The following UXS1 variants were observed in gnomAD, a reference collection of about 807,000 sequenced individuals.
The protein encoded by UXS1 is UDP-glucuronic acid decarboxylase 1.
In UXS1, 33 loss-of-function variants were observed where a neutral mutation model predicts 62.6. The ratio of observed to expected loss-of-function variants is 0.53; its 90% CI spans 0.40 to 0.70. UXS1 has a LOEUF of 0.70. Among genes scored for constraint, UXS1 ranks in the 30% least tolerant of loss-of-function variants. The pLI, the probability that UXS1 is intolerant of heterozygous loss-of-function variation, is 0.00. For synonymous variants in UXS1, 213 were observed against 206.8 expected (o/e 1.03, Z -0.26); for missense variants, 434 against 556.3 (o/e 0.78, Z 2.21).
At chr2:106,094,592 C>T (rs530660396) in intron 14 of UXS1, among the ~76,000 whole-genome samples, 150 of 152,174 alleles carry the variant, frequency 9.9e-4, no homozygotes, top group African/African-American at 2.5e-3. Flanking sequence ...CTGATCAACA[C>T]GCCTGATTCT....
chr2:106,153,755 C>T (rs1682215888), intron 5 of UXS1, among the ~76,000 whole-genome samples: 1 of 152,106 alleles, frequency 6.6e-6, no homozygotes. Flanking sequence ...AACAAAGACA[C>T]CAAAGCAACC....
At chr2:106,142,406 T>C (rs1681182632) in intron 6 of UXS1, among the ~76,000 whole-genome samples, 1 of 152,230 alleles carries the variant, frequency 6.6e-6, no homozygotes, top group African/African-American at 2.4e-5. Flanking sequence ...CTTGAGATTT[T>C]TCCTTTGTCT....
chr2:106,171,808 A>T (rs1193828345), intron 1 of UXS1, among the ~76,000 whole-genome samples: 1 of 152,256 alleles, frequency 6.6e-6, no homozygotes, highest in Non-Finnish European at 1.5e-5. Flanking sequence ...TCAAACTGGA[A>T]AGCATATGTA....
At chr2:106,187,833 C>G (rs1009072432) in intron 1 of UXS1, among the ~76,000 whole-genome samples, 1 of 151,982 alleles carries the variant, frequency 6.6e-6, no homozygotes, top group Non-Finnish European at 1.5e-5. Context: ...TTTCCGCCTC[C>G]GGGTTCACGA....
chr2:106,112,878 T>C lies in UXS1; in HGVS notation c.760-113A>G, dbSNP rs1678734225. 4 of 1,449,490 alleles carry C rather than the reference T, an allele frequency of 2.8e-6. No individual in the cohort carries two copies. In the South Asian group the frequency reaches 5.7e-5, roughly 21 times the overall value. The allele number at this position is 1,449,490 out of a possible 1,614,324, so 89.8% of individuals were successfully genotyped here. A position where few individuals can be genotyped will look rare whatever the true frequency, so the allele number is the denominator to read the frequency against. ...AGAATGGAAACGTTCTGCTTTCCATTCCAAAATGGAAATGGCTTTTTTGTT... is the reference window on the plus strand; with the variant it reads ...AGAATGGAAACGTTCTGCTTTCCATCCCAAAATGGAAATGGCTTTTTTGTT... On this transcript the variant is annotated intron_variant, in intron 9 of 14. Transcript: ENST00000283148.
At chr2:106,115,016 A>AC (rs771150245) in intron 9 of UXS1, among the ~76,000 whole-genome samples, 4 of 152,016 alleles carry the variant, frequency 2.6e-5, no homozygotes, top group Non-Finnish European at 5.9e-5. Flanking sequence ...CACAAAGGCG[A>AC]CCCCCAGTCA....
intron 6 of UXS1, 144 bp downstream of exon 6, chr2:106,145,046 T>C: frequency 1.1e-6 from 1 of 883,864 alleles, no homozygotes; most frequent in Non-Finnish European, 1.7e-6. Flanking sequence ...GGACGGCACC[T>C]CATACATATT....
chr2:106,145,121 G>A lies in UXS1; in HGVS notation c.472+69C>T, dbSNP rs1056858155. On this transcript the variant is annotated intron_variant, in intron 6 of 14. Coordinates refer to ENST00000283148, the MANE Select transcript of UXS1 (RefSeq NM_001253875.2). Reference sequence around the variant, plus strand: ...TGCTGAGTCAAACAGCTTACCCTCAGGAATCCCGCAGCTCTGGCAAGGCCA... The same window carrying A: ...TGCTGAGTCAAACAGCTTACCCTCAAGAATCCCGCAGCTCTGGCAAGGCCA... The A allele has an allele frequency of 1.3e-5, 20 of 1,531,946 alleles. No homozygotes were observed. The African/African-American group carries it at 2.8e-4, about 21-fold the overall frequency. The allele number at this position is 1,531,946 out of a possible 1,614,324, so 94.9% of individuals were successfully genotyped here. A position where few individuals can be genotyped will look rare whatever the true frequency, so the allele number is the denominator to read the frequency against.
intron 13 of UXS1, chr2:106,097,787 C>A (rs566942994): frequency 6.3e-6 from 1 of 157,800 alleles, no homozygotes; most frequent in South Asian, 1.9e-4. Context: ...GAGCCTGCCC[C>A]TTCCTCACGC....
intron 9 of UXS1, among the ~76,000 whole-genome samples, chr2:106,116,874 G>A (rs1400473679): frequency 1.3e-5 from 2 of 152,140 alleles, no homozygotes; most frequent in Non-Finnish European, 2.9e-5. Context: ...TCATGGACCT[G>A]GTTATGTCTG....
chr2:106,180,440 T>C lies in UXS1; in HGVS notation c.94+13708A>G, dbSNP rs1684172050. Among the ~76,000 whole-genome samples, 3 of 152,302 alleles carry C rather than the reference T, an allele frequency of 2.0e-5. No homozygotes were observed. In the East Asian group the frequency reaches 5.8e-4, roughly 29 times the overall value. Reference sequence around the variant, plus strand: ...ACCTTCCCAGGTTCTCCACCTCAACTTAGGATTTGGCTGCAAAAATACTAC... The same window carrying C: ...ACCTTCCCAGGTTCTCCACCTCAACCTAGGATTTGGCTGCAAAAATACTAC... On this transcript the variant is annotated intron_variant, in intron 1 of 14. Transcript: ENST00000283148.
chr2:106,096,590 T>A lies in UXS1; in HGVS notation c.1146+128A>T. On this transcript the variant is annotated intron_variant, in intron 14 of 14. Coordinates refer to ENST00000283148, the MANE Select transcript of UXS1 (RefSeq NM_001253875.2). ...TTTACCACTTGGAGAAAACCCTCTA[T>A]CTGCCTGGATGCCGAGCCCACCTTG... 4.3e-6 allele frequency: 3 copies of A among 696,172 alleles called. No individual in the cohort carries two copies. The East Asian group carries it at 8.3e-5, about 19-fold the overall frequency. The allele number at this position is 696,172 out of a possible 1,614,324, so 43.1% of individuals were successfully genotyped here. A position where few individuals can be genotyped will look rare whatever the true frequency, so the allele number is the denominator to read the frequency against.
intron 6 of UXS1, among the ~76,000 whole-genome samples, chr2:106,144,295 A>ACCC (rs1324479608): frequency 3.3e-5 from 5 of 152,224 alleles, no homozygotes; most frequent in Non-Finnish European, 5.9e-5. Flanking sequence ...GCAAAAAACC[A>ACCC]ACCAACAAAA....
intron 1 of UXS1, 108 bp downstream of exon 1, chr2:106,194,040 A>C: frequency 1.3e-6 from 1 of 769,724 alleles, no homozygotes. Flanking sequence ...GGCGGGGAGC[A>C]ACGCGGGGCT....
chr2:106,131,562 A>G (rs1207512940), intron 6 of UXS1, among the ~76,000 whole-genome samples: 1 of 2,916 alleles, frequency 3.4e-4, no homozygotes, highest in Admixed American at 1.9e-3. Flanking sequence ...GAGATCTGAG[A>G]ACGGGCAGAC....
At chr2:106,113,836 G>C (rs1177472931) in intron 9 of UXS1, among the ~76,000 whole-genome samples, 1 of 152,236 alleles carries the variant, frequency 6.6e-6, no homozygotes. Flanking sequence ...CTCGGTCGCA[G>C]CAAGACTGGG....
intron 4 of UXS1, among the ~76,000 whole-genome samples, chr2:106,163,114 T>C (rs552306762): frequency 6.6e-6 from 1 of 152,340 alleles, no homozygotes; most frequent in Admixed American, 6.5e-5. Flanking sequence ...AGAGAGAACC[T>C]GAGGGCAATA....
chr2:106,112,716 C>A lies in UXS1; in HGVS notation c.809G>T (p.Arg270Leu), dbSNP rs776255521. ...TACTCGCCCATCGTTCATGTGCATG[C>A]GTGGCCCAAAGGTGTTGAAGATTCT... ...VARIFNTFGP[R>L]MHMNDGRVVS... is the part of the protein sequence containing the mutation. The change falls in exon 10 of 15, where the codon CGC (arginine) becomes CTC (leucine). Residue 270 changes from arginine to leucine, a missense_variant. This residue lies in a region of UXS1 where 209 missense variants were observed against 233.3 expected (regional missense o/e 0.90). Transcript: ENST00000283148. 6.2e-7 allele frequency: 1 copy of A among 1,613,884 alleles called. No homozygotes were observed. Among genetic ancestry groups the A allele is most frequent in the African/African-American group, 1.3e-5 (1 of 74,930 alleles).
At chr2:106,172,125 G>A (rs17032574) in intron 1 of UXS1, among the ~76,000 whole-genome samples, 5,007 of 152,332 alleles carry the variant, frequency 0.033, 126 homozygotes, top group East Asian at 0.065. Context: ...GTCCAGAGGC[G>A]ACATGGGGTC....
Sources: allele counts gnomAD v4.1 joint callset (sites outside exome capture counted in the v4.1 genomes callset), GRCh38; gene constraint gnomAD v4.1.1; regional missense constraint gnomAD v4.1.1; transcripts MANE v1.5; gene names NCBI Gene and HGNC (gene_info 2026-07-23, HGNC 2026-07-21).